Variants in CPQ observed in about 807,000 individuals in gnomAD.
CPQ encodes the protein Ser-Met dipeptidase.
CPQ carries 37 observed loss-of-function variants against 45.7 expected under a neutral mutation model. The ratio of observed to expected loss-of-function variants is 0.81; its 90% CI spans 0.62 to 1.07. The LOEUF is 1.07. CPQ is among the 50% of genes least tolerant of loss of function. The pLI, the probability that CPQ is intolerant of heterozygous loss-of-function variation, is 0.00. For synonymous variants in CPQ, 186 were observed against 205.8 expected (o/e 0.90, Z 0.82); for missense variants, 537 against 572.9 (o/e 0.94, Z 0.64).
At chr8:96,923,378 A>G (rs993424028) in intron 4 of CPQ, among the ~76,000 whole-genome samples, 1 of 152,186 alleles carries the variant, frequency 6.6e-6, no homozygotes, top group Non-Finnish European at 1.5e-5. Flanking sequence ...ACACTGGCAT[A>G]TCTTTCACCA....
At chr8:97,122,143 A>G (rs1378328331) in intron 7 of CPQ, among the ~76,000 whole-genome samples, 2 of 152,132 alleles carry the variant, frequency 1.3e-5, no homozygotes, top group Admixed American at 6.6e-5. Flanking sequence ...AATGACTACA[A>G]TTTTTCCAAA....
At chr8:97,037,793 G>A (rs929814525) in intron 6 of CPQ, among the ~76,000 whole-genome samples, 2 of 152,082 alleles carry the variant, frequency 1.3e-5, no homozygotes, top group African/African-American at 4.8e-5. Context: ...ATGTACATAT[G>A]GTAATTATAT....
At chr8:96,673,858 A>G (rs1449443376) in intron 1 of CPQ, among the ~76,000 whole-genome samples, 1 of 152,168 alleles carries the variant, frequency 6.6e-6, no homozygotes, top group Non-Finnish European at 1.5e-5. Flanking sequence ...ATCATATTGA[A>G]TAAATCGCAA....
chr8:96,688,326 G>T (rs1230901647), intron 1 of CPQ, among the ~76,000 whole-genome samples: 2 of 151,846 alleles, frequency 1.3e-5, no homozygotes, highest in Non-Finnish European at 2.9e-5. Context: ...AACCCTTCTT[G>T]GTTACTTATT....
intron 4 of CPQ, among the ~76,000 whole-genome samples, chr8:96,883,324 T>C (rs1460437934): frequency 1.3e-5 from 2 of 152,170 alleles, no homozygotes; most frequent in African/African-American, 2.4e-5. Context: ...GGCCTAAATT[T>C]AAGTACCCTT....
At chr8:96,841,027 C>CT (rs1190170419) in intron 3 of CPQ, among the ~76,000 whole-genome samples, 2 of 152,188 alleles carry the variant, frequency 1.3e-5, no homozygotes, top group East Asian at 1.9e-4. Flanking sequence ...GTTTTCCCCT[C>CT]TTTTTTTATA....
intron 3 of CPQ, 121 bp downstream of exon 3, chr8:96,835,301 C>T (rs888496775): frequency 1.2e-5 from 9 of 725,670 alleles, no homozygotes; most frequent in Non-Finnish European, 1.8e-5. Context: ...GGAGTTTCCC[C>T]CCCAAACACA....
At chr8:96,984,104 C>G (rs1049430853) in intron 5 of CPQ, among the ~76,000 whole-genome samples, 2 of 151,864 alleles carry the variant, frequency 1.3e-5, no homozygotes, top group South Asian at 2.1e-4. Context: ...CTTATACATT[C>G]CCTTTCTTTT....
At chr8:97,043,308 C>G (rs1810166958) in intron 6 of CPQ, among the ~76,000 whole-genome samples, 1 of 150,870 alleles carries the variant, frequency 6.6e-6, no homozygotes, top group Non-Finnish European at 1.5e-5. Flanking sequence ...AGGATTGCAA[C>G]CCCTGCCTTT....
chr8:96,760,409 A>AAT (rs1810384790), intron 1 of CPQ, among the ~76,000 whole-genome samples: 4 of 152,270 alleles, frequency 2.6e-5, no homozygotes, highest in African/African-American at 9.6e-5. Context: ...TGTAAGTGGA[A>AAT]GAGTCAGGAT....
At chr8:97,129,664 A>G (rs892744698) in intron 7 of CPQ, among the ~76,000 whole-genome samples, 3 of 152,084 alleles carry the variant, frequency 2.0e-5, no homozygotes, top group African/African-American at 7.2e-5. Flanking sequence ...CCCATAAACA[A>G]TCTCCACTGC....
intron 1 of CPQ, among the ~76,000 whole-genome samples, chr8:96,696,874 A>C (rs780514494): frequency 4.6e-5 from 7 of 152,184 alleles, no homozygotes; most frequent in Non-Finnish European, 1.0e-4. Context: ...GCCATAATGG[A>C]AAGTCTCCCA....
At chr8:96,887,988 T>A (rs561121567) in intron 4 of CPQ, among the ~76,000 whole-genome samples, 1 of 152,378 alleles carries the variant, frequency 6.6e-6, no homozygotes, top group Non-Finnish European at 1.5e-5. Flanking sequence ...GTTTGTTAAC[T>A]GAACACTTCA....
At chr8:96,873,840 C>G (rs1374243905) in intron 3 of CPQ, among the ~76,000 whole-genome samples, 1 of 151,902 alleles carries the variant, frequency 6.6e-6, no homozygotes, top group East Asian at 1.9e-4. Flanking sequence ...TAAGCTGACA[C>G]TCACTTTCAA....
chr8:96,651,654 AATAAT>A (rs1296675263), intron 1 of CPQ, among the ~76,000 whole-genome samples: 62 of 151,922 alleles, frequency 4.1e-4, no homozygotes, highest in African/African-American at 1.3e-3. Flanking sequence ...AATGAGGTTG[AATAAT>A]ATAATTTATG....
intron 5 of CPQ, among the ~76,000 whole-genome samples, chr8:97,025,735 G>T (rs543892682): frequency 2.3e-4 from 35 of 152,134 alleles, no homozygotes; most frequent in Non-Finnish European, 4.7e-4. Flanking sequence ...TACTGCTTTA[G>T]TATTGTTGTT....
intron 1 of CPQ, among the ~76,000 whole-genome samples, chr8:96,764,956 C>G (rs1162774664): frequency 6.6e-6 from 1 of 152,200 alleles, no homozygotes; most frequent in Admixed American, 6.5e-5. Context: ...ACAATTGGCT[C>G]CCCCAACTGC....
intron 5 of CPQ, among the ~76,000 whole-genome samples, chr8:96,986,986 C>T (rs1229513039): frequency 6.6e-6 from 1 of 151,862 alleles, no homozygotes; most frequent in Non-Finnish European, 1.5e-5. Context: ...GGCTAGTGGC[C>T]CTGAATGGAG....
chr8:97,109,465 C>A lies in CPQ; in HGVS notation c.1256-33555C>A, dbSNP rs142185108. Among the ~76,000 whole-genome samples, 100 of 152,140 alleles carry A rather than the reference C, an allele frequency of 6.6e-4. 1 individual carries two copies. The East Asian group carries it at 0.016, about 24-fold the overall frequency. ...TCAGGGGTTCTCATTCTTTTCTTCC[C>A]CTCACCCTTCACAGCTTTACCCAGC... On this transcript the variant is annotated intron_variant, in intron 7 of 7. Transcript: ENST00000220763.
Sources: gnomAD v4.1 joint callset for allele counts (sites outside exome capture counted in the v4.1 genomes callset) on GRCh38, gnomAD v4.1.1 for gene constraint, MANE v1.5 for transcripts, NCBI Gene and HGNC (gene_info 2026-07-23, HGNC 2026-07-21) for gene names.